WBP2NL: variants seen among roughly 807,000 people sequenced by gnomAD.
The protein encoded by WBP2NL is postacrosomal sheath WW domain-binding protein.
Under a neutral mutation model 23.3 loss-of-function variants are expected in WBP2NL, and 27 were observed. The ratio of observed to expected loss-of-function variants is 1.16; its 90% CI spans 0.85 to 1.60. WBP2NL has a LOEUF of 1.60. WBP2NL is among the 40% of genes most tolerant of loss of function. WBP2NL has a pLI of 0.00. For synonymous variants in WBP2NL, 151 were observed against 145.9 expected (o/e 1.03, Z -0.25); for missense variants, 370 against 389.5 (o/e 0.95, Z 0.42).
intron 1 of WBP2NL, among the ~76,000 whole-genome samples, chr22:42,008,183 C>T (rs1445381041): frequency 2.6e-5 from 2 of 75,832 alleles, no homozygotes; most frequent in Non-Finnish European, 5.4e-5. Context: ...CCCTCCCTTC[C>T]CTCTCCCTCC....
intron 1 of WBP2NL, chr22:42,002,000 A>G: frequency 1.1e-6 from 1 of 877,900 alleles, no homozygotes; most frequent in Non-Finnish European, 1.6e-6. Context: ...GTGGGATGGG[A>G]CTGGTCCGAG....
chr22:42,021,378 C>G (rs1402716230), intron 4 of WBP2NL, among the ~76,000 whole-genome samples: 1 of 152,150 alleles, frequency 6.6e-6, no homozygotes, highest in Non-Finnish European at 1.5e-5. Flanking sequence ...GTGTGGTAGG[C>G]TGATAATGGA....
rs1282683587 is a variant in WBP2NL, at chr22:42,028,171, AGGCTAT to A, written c.*993_*998del. On this transcript the variant is annotated 3_prime_UTR_variant, in exon 6 of 6. Coordinates refer to ENST00000328823, the MANE Select transcript of WBP2NL (RefSeq NM_152613.3). ...GTCCATTAATAGGAAATATATGAAT[AGGCTAT>A]GGTATGCCCATACTACGTATGCAGA... is the stretch of plus-strand genomic sequence containing the variant. The A allele has an allele frequency of 2.5e-6, 1 of 398,188 alleles. No homozygotes were observed. Among genetic ancestry groups the A allele is most frequent in the African/African-American group, 2.1e-5 (1 of 48,630 alleles). 24.7% of individuals were successfully genotyped at this position (398,188 alleles called of 1,614,324 possible). A position where few individuals can be genotyped will look rare whatever the true frequency, so the allele number is the denominator to read the frequency against.
intron 1 of WBP2NL, chr22:42,001,611 C>G: frequency 8.7e-7 from 1 of 1,146,494 alleles, no homozygotes; most frequent in Admixed American, 1.7e-5. Context: ...GTGGCACCGC[C>G]TGATGCCAGA....
At chr22:42,018,607 A>G (rs988049675) in intron 1 of WBP2NL, among the ~76,000 whole-genome samples, 1 of 152,214 alleles carries the variant, frequency 6.6e-6, no homozygotes, top group Non-Finnish European at 1.5e-5. Context: ...AGAGCACGAC[A>G]GGCTGAGGGA....
intron 1 of WBP2NL, among the ~76,000 whole-genome samples, chr22:42,011,037 A>AT (rs1002130903): frequency 1.3e-5 from 2 of 152,034 alleles, no homozygotes; most frequent in Non-Finnish European, 2.9e-5. Context: ...GTTTGCTAGT[A>AT]TTTTGTTGAG....
intron 8 of WBP2NL, among the ~76,000 whole-genome samples, chr22:42,048,542 G>T: frequency 6.6e-6 from 1 of 151,964 alleles, no homozygotes. Context: ...GGATCATGAG[G>T]TCAGGAGATC....
In WBP2NL at chr22:42,027,365, A is replaced by G; in HGVS notation, c.*184A>G. 1 of 698,292 alleles carries G rather than the reference A, an allele frequency of 1.4e-6. No individual in the cohort carries two copies. The highest frequency in any genetic ancestry group is 2.8e-5 in the East Asian group (1 of 35,462). The allele number at this position is 698,292 out of a possible 1,614,324, so 43.3% of individuals were successfully genotyped here. On this transcript the variant is annotated 3_prime_UTR_variant, in exon 6 of 6. Coordinates refer to ENST00000328823, the MANE Select transcript of WBP2NL (RefSeq NM_152613.3). ...ACTTCTGTGCCTAGATTTTAGAAGC[A>G]GAATCAACTCTTAAATAGCTGGCTA...
intron 1 of WBP2NL, among the ~76,000 whole-genome samples, chr22:42,004,332 G>T (rs1922002815): frequency 6.6e-6 from 1 of 152,208 alleles, no homozygotes; most frequent in South Asian, 2.1e-4. Context: ...AGTGGCTGAT[G>T]CCTGTAATCC....
At chr22:42,005,967 A>T (rs1027947713) in intron 1 of WBP2NL, among the ~76,000 whole-genome samples, 3 of 152,210 alleles carry the variant, frequency 2.0e-5, no homozygotes, top group African/African-American at 7.2e-5. Context: ...GTTTTTTGAG[A>T]TGCTCAAGGC....
chr22:42,002,496 A>T lies in WBP2NL; in HGVS notation c.62+3616A>T, dbSNP rs5751196. The stretch of plus-strand genomic sequence containing the variant: ...CGACTCAGGAGGCTGAGGCACGAGA[A>T]TTGCTTGAGCCTGGGAGGCAGAGGG... On this transcript the variant is annotated intron_variant, in intron 1 of 5. Coordinates refer to ENST00000328823, the MANE Select transcript of WBP2NL (RefSeq NM_152613.3). Among the ~76,000 whole-genome samples, 370 of 152,224 alleles carry T rather than the reference A, an allele frequency of 2.4e-3. 11 individuals are homozygous for T. The East Asian group carries it at 0.062, about 26-fold the overall frequency.
At chr22:42,004,161 A>G (rs2146755224) in intron 1 of WBP2NL, among the ~76,000 whole-genome samples, 1 of 152,256 alleles carries the variant, frequency 6.6e-6, no homozygotes, top group South Asian at 2.1e-4. Flanking sequence ...AATCCCAGCT[A>G]TTTGGGAGGC....
rs533704674 is a variant in WBP2NL, at chr22:42,025,871, AG to A, written c.515-894del. Among the ~76,000 whole-genome samples, 23 of 152,352 alleles carry A rather than the reference AG, an allele frequency of 1.5e-4. No homozygotes were observed. The South Asian group carries it at 3.7e-3, about 25-fold the overall frequency. ...TTGGAAAGTCAGAAACAACAAAAAG[AG>A]TCATCTATCCATATGATGAAATATT... On this transcript the variant is annotated intron_variant, in intron 5 of 5. Coordinates refer to ENST00000328823, the MANE Select transcript of WBP2NL (RefSeq NM_152613.3).
chr22:42,000,772 C>CAAA (rs56318914), intron 1 of WBP2NL, among the ~76,000 whole-genome samples: 19 of 133,262 alleles, frequency 1.4e-4, no homozygotes, highest in African/African-American at 4.2e-4. Flanking sequence ...ACTAAAAATA[C>CAAA]AAAAAAAAAA....
At chr22:42,003,638 A>G (rs189624067) in intron 1 of WBP2NL, among the ~76,000 whole-genome samples, 7 of 152,338 alleles carry the variant, frequency 4.6e-5, no homozygotes, top group Admixed American at 3.9e-4. Context: ...TGAGCAGGAG[A>G]AGATTGATTC....
chr22:42,036,010 A>G (rs1256105536), downstream of WBP2NL, among the ~76,000 whole-genome samples: 1 of 152,120 alleles, frequency 6.6e-6, no homozygotes, highest in Non-Finnish European at 1.5e-5. Context: ...AAGGCTGAAT[A>G]ATAGTCTGTT....
intron 1 of WBP2NL, chr22:42,001,318 A>G (rs1921649289): frequency 2.9e-6 from 2 of 687,398 alleles, no homozygotes; most frequent in East Asian, 2.5e-5. Flanking sequence ...CAGTCTGTGC[A>G]TCATCCAACT....
intron 8 of WBP2NL, among the ~76,000 whole-genome samples, chr22:42,047,660 T>G (rs1925649927): frequency 7.0e-6 from 1 of 142,440 alleles, no homozygotes; most frequent in Admixed American, 6.7e-5. Context: ...CTCACTCTGT[T>G]GCCCAGGCTG....
At chr22:42,030,854 C>A (rs1258501783), downstream of WBP2NL, 1 of 152,122 alleles carries the variant, frequency 6.6e-6, no homozygotes, top group East Asian at 1.9e-4. Flanking sequence ...ATGGGTGAGG[C>A]CTTTTTTATA....
Sources: allele counts gnomAD v4.1 joint callset (sites outside exome capture counted in the v4.1 genomes callset), GRCh38; gene constraint gnomAD v4.1.1; transcripts MANE v1.5; gene names NCBI Gene and HGNC (gene_info 2026-07-23, HGNC 2026-07-21).